The following EXOC4 variants were observed in gnomAD, a reference collection of about 807,000 sequenced individuals.
EXOC4 encodes exocyst complex component 4.
In EXOC4, 71 loss-of-function variants were observed where a neutral mutation model predicts 107.2. The ratio of observed to expected loss-of-function variants is 0.66; its 90% CI spans 0.55 to 0.81. The LOEUF (loss-of-function observed/expected upper bound fraction) is 0.81, where lower values mean the gene tolerates loss of function less well. Ranked by LOEUF, EXOC4 falls within the 30% of genes least tolerant of loss-of-function variation. The pLI, the probability that EXOC4 is intolerant of heterozygous loss-of-function variation, is 0.00. For synonymous variants in EXOC4, 456 were observed against 441.2 expected (o/e 1.03, Z -0.42); for missense variants, 1,108 against 1,189.6 (o/e 0.93, Z 1.01).
At chr7:133,884,116 C>T (rs185293849) in intron 11 of EXOC4, among the ~76,000 whole-genome samples, 3 of 152,300 alleles carry the variant, frequency 2.0e-5, no homozygotes, top group East Asian at 1.9e-4. Context: ...CCCGTTTTCA[C>T]GATTGCTTCT....
At chr7:134,090,260 A>T in the EXOC4 span, among the ~76,000 whole-genome samples, 2 of 152,186 alleles carry the variant, frequency 1.3e-5, no homozygotes, top group African/African-American at 4.8e-5. Flanking sequence ...CCATTGTGAA[A>T]AGAGAAAGCA....
intron 10 of EXOC4, among the ~76,000 whole-genome samples, chr7:133,759,168 A>T (rs1198863815): frequency 1.4e-5 from 2 of 147,126 alleles, no homozygotes; most frequent in Non-Finnish European, 3.0e-5. Flanking sequence ...TTTTTGTTAG[A>T]GATGGTATCT....
chr7:133,652,707 C>A (rs1029720233), intron 10 of EXOC4, among the ~76,000 whole-genome samples: 1 of 152,066 alleles, frequency 6.6e-6, no homozygotes, highest in African/African-American at 2.4e-5. Flanking sequence ...TTAGGTGGCC[C>A]CCTTGGCCTT....
intron 9 of EXOC4, among the ~76,000 whole-genome samples, chr7:133,615,675 A>C (rs1802178119): frequency 6.6e-6 from 1 of 152,106 alleles, no homozygotes; most frequent in Admixed American, 6.6e-5. Flanking sequence ...GTTTATGCTG[A>C]AGTTGTGCTC....
rs116947718 is a variant in EXOC4, at chr7:133,476,547, T to G, written c.1328+1074T>G. Among the ~76,000 whole-genome samples the G allele has an allele frequency of 7.5e-3, 1,141 of 152,332 alleles. 7 individuals carry two copies. The highest frequency in any genetic ancestry group is 0.011 in the Non-Finnish European group (759 of 68,012). On this transcript the variant is annotated intron_variant, in intron 8 of 17. Coordinates refer to ENST00000253861, the MANE Select transcript of EXOC4 (RefSeq NM_021807.4). ...TCACATTTGAGGCTTGTTTTTATCT[T>G]AGATTTTTAGTGTTTTTAATAATTA...
chr7:133,271,944 T>G (rs1216486535), intron 1 of EXOC4, among the ~76,000 whole-genome samples: 1 of 152,102 alleles, frequency 6.6e-6, no homozygotes. Flanking sequence ...TTAAGTGATC[T>G]AGTATTTGGG....
downstream of EXOC4, among the ~76,000 whole-genome samples, chr7:134,070,060 A>C (rs1178768279): frequency 3.0e-5 from 2 of 67,396 alleles, no homozygotes; most frequent in African/African-American, 1.5e-4. Flanking sequence ...CTTGGAAAGC[A>C]AAGTGGGTGC....
At chr7:133,898,032 C>T (rs1309908437) in intron 12 of EXOC4, among the ~76,000 whole-genome samples, 1 of 151,118 alleles carries the variant, frequency 6.6e-6, no homozygotes, top group Non-Finnish European at 1.5e-5. Flanking sequence ...AGCCCCCAGC[C>T]TCCAGCAACC....
intron 10 of EXOC4, among the ~76,000 whole-genome samples, chr7:133,637,325 C>T (rs1218186917): frequency 6.6e-6 from 1 of 152,170 alleles, no homozygotes; most frequent in Non-Finnish European, 1.5e-5. Flanking sequence ...TAATTAAGCA[C>T]ATTTTCCCTA....
rs146003252 is a variant in EXOC4, at chr7:133,987,965, T to G, written c.2207-9527T>G. Among the ~76,000 whole-genome samples, 829 of 152,324 alleles carry G rather than the reference T, an allele frequency of 5.4e-3. 1 individual carries two copies. The highest frequency in any genetic ancestry group is 0.02 in the Middle Eastern group (6 of 294). ...AACTAATTTTAAGACCTAAACAGAT[T>G]TCAGTCTGGTTAATATTAGGATGTG... On this transcript the variant is annotated intron_variant, in intron 14 of 17. Coordinates refer to ENST00000253861, the MANE Select transcript of EXOC4 (RefSeq NM_021807.4).
At chr7:133,358,469 A>G (rs1156428033) in intron 6 of EXOC4, among the ~76,000 whole-genome samples, 2 of 152,184 alleles carry the variant, frequency 1.3e-5, no homozygotes, top group African/African-American at 4.8e-5. Context: ...CCCAAATTCC[A>G]TGTTCTATGA....
intron 3 of EXOC4, among the ~76,000 whole-genome samples, chr7:133,292,091 T>C (rs1794419391): frequency 6.6e-6 from 1 of 152,190 alleles, no homozygotes; most frequent in South Asian, 2.1e-4. Flanking sequence ...ACGCCTGTAA[T>C]CCCAGCACTT....
intron 5 of EXOC4, among the ~76,000 whole-genome samples, chr7:133,356,084 A>G (rs1277750396): frequency 1.3e-5 from 2 of 152,186 alleles, no homozygotes; most frequent in South Asian, 2.1e-4. Flanking sequence ...AAAACTTCCC[A>G]TGGTGATTTG....
At chr7:133,350,405 G>A (rs943291630) in intron 5 of EXOC4, among the ~76,000 whole-genome samples, 2 of 151,998 alleles carry the variant, frequency 1.3e-5, no homozygotes, top group East Asian at 1.9e-4. Flanking sequence ...TTGTTTCCCT[G>A]TACAGCATTT....
In EXOC4 at chr7:133,275,297, A is replaced by G. The variant is rs554160099; in HGVS notation, c.276+126A>G. On this transcript the variant is annotated intron_variant, in intron 2 of 17. Coordinates refer to ENST00000253861, the MANE Select transcript of EXOC4 (RefSeq NM_021807.4). ...GTGATTCAAAATGCCACTTTTCAGGAGTTCTGCAGGTGTCTGGAAAGGCTG... is the reference window on the plus strand; with the variant it reads ...GTGATTCAAAATGCCACTTTTCAGGGGTTCTGCAGGTGTCTGGAAAGGCTG... 5.4e-5 allele frequency: 40 copies of G among 736,042 alleles called. No individual in the cohort carries two copies. In the African/African-American group the frequency reaches 6.4e-4, roughly 12 times the overall value. The allele number at this position is 736,042 out of a possible 1,614,324, so 45.6% of individuals were successfully genotyped here.
rs753908169 is a variant in EXOC4, at chr7:133,356,521, G to T, written c.955G>T (p.Ala319Ser). Reference protein sequence around the residue: ...QIVKRSTTQVADSGYQRGENV... With the variant: ...QIVKRSTTQVSDSGYQRGENV... Reference sequence around the variant, plus strand: ...TGTGAAGAGGTCTACAACCCAGGTGGCAGACAGTGGCTATCAGCGGGGGGA... The same window carrying T: ...TGTGAAGAGGTCTACAACCCAGGTGTCAGACAGTGGCTATCAGCGGGGGGA... The change falls in exon 6 of 18, where the codon GCA becomes TCA. Residue 319 changes from alanine (A) to serine (S), a missense_variant. By Grantham distance (99) the Ala-to-Ser change is moderately conservative. Coordinates refer to ENST00000253861, the MANE Select transcript of EXOC4 (RefSeq NM_021807.4). 2 of 1,614,104 alleles carry T rather than the reference G, an allele frequency of 1.2e-6. No homozygotes were observed. Among genetic ancestry groups the T allele is most frequent in the Admixed American group, 3.3e-5 (2 of 60,008 alleles).
At chr7:133,759,144 A>ATTTTTTTTTTTTTTTTTTTTT (rs34768347) in intron 10 of EXOC4, among the ~76,000 whole-genome samples, 1 of 140,632 alleles carries the variant, frequency 7.1e-6, no homozygotes. Context: ...CAACAAAAGA[A>ATTTTTTTTTTTTTTTTTTTTT]TTTTTTTTTT....
intron 10 of EXOC4, among the ~76,000 whole-genome samples, chr7:133,663,681 C>G (rs1364654228): frequency 6.6e-6 from 1 of 152,088 alleles, no homozygotes; most frequent in Non-Finnish European, 1.5e-5. Flanking sequence ...GTCCTGTTGG[C>G]TTTTCAGAAA....
intron 10 of EXOC4, among the ~76,000 whole-genome samples, chr7:133,794,048 G>A (rs1796761975): frequency 6.6e-6 from 1 of 151,976 alleles, no homozygotes; most frequent in African/African-American, 2.4e-5. Flanking sequence ...CCCTCCATAT[G>A]CAGTCCTGAT....
Sources: allele counts gnomAD v4.1 joint callset (sites outside exome capture counted in the v4.1 genomes callset), GRCh38; gene constraint gnomAD v4.1.1; transcripts MANE v1.5; gene names NCBI Gene and HGNC (gene_info 2026-07-23, HGNC 2026-07-21).